LAMA2: variants seen among roughly 807,000 people sequenced by gnomAD.
The protein encoded by LAMA2 is laminin subunit alpha 2.
Under a neutral mutation model 364.8 loss-of-function variants are expected in LAMA2, and 269 were observed. That is an observed-to-expected ratio of 0.74 (90% CI 0.67 to 0.82). The LOEUF (loss-of-function observed/expected upper bound fraction) is 0.82, where lower values mean the gene tolerates loss of function less well. LAMA2 is among the 40% of genes least tolerant of loss of function. The pLI is 0.00. For missense variants in LAMA2, 3,807 were observed against 3,873.2 expected, an observed-to-expected ratio of 0.98 and a Z score of 0.45; for synonymous variants, 1,379 against 1,370.6, an observed-to-expected ratio of 1.01 and a Z score of -0.14.
At chr6:129,470,204 CTAGTT>C (rs1269950085) in intron 51 of LAMA2, among the ~76,000 whole-genome samples, 3 of 151,598 alleles carry the variant, frequency 2.0e-5, no homozygotes, top group African/African-American at 4.8e-5. Context: ...GGATGACTCT[CTAGTT>C]TAGTAGATTG....
intron 1 of LAMA2, among the ~76,000 whole-genome samples, chr6:128,990,675 C>T (rs1170150399): frequency 2.6e-5 from 4 of 151,884 alleles, no homozygotes; most frequent in African/African-American, 9.7e-5. Context: ...TAAATAGGCC[C>T]CTTTCTCTCA....
Position 129,096,892 on chromosome 6 carries a change from A to T in LAMA2, c.397-1281A>T, listed in dbSNP as rs148356517. Among the ~76,000 whole-genome samples the T allele has an allele frequency of 7.9e-5, 12 of 152,350 alleles. 2 individuals carry two copies. Among genetic ancestry groups the T allele is most frequent in the Admixed American group, 7.2e-4 (11 of 15,310 alleles). ...GCATCAGAGCCACCTGTATTACCGCATTCCATACCAAATTTTTATATTTTT... is the reference window on the plus strand; with the variant it reads ...GCATCAGAGCCACCTGTATTACCGCTTTCCATACCAAATTTTTATATTTTT... On this transcript the variant is annotated intron_variant, in intron 3 of 64. Transcript: ENST00000421865.
At chr6:129,459,468 G>A (rs1783134724) in intron 48 of LAMA2, among the ~76,000 whole-genome samples, 1 of 151,994 alleles carries the variant, frequency 6.6e-6, no homozygotes, top group African/African-American at 2.4e-5. Context: ...AATTTGATCA[G>A]ATTATTTGTC....
At chr6:129,246,847 T>C (rs1037928887) in intron 12 of LAMA2, among the ~76,000 whole-genome samples, 48 of 152,266 alleles carry the variant, frequency 3.2e-4, no homozygotes, top group African/African-American at 1.1e-3. Flanking sequence ...GAGAATTCTT[T>C]ATCTAAAGCA....
At chr6:129,395,291 A>G (rs1433518624) in intron 37 of LAMA2, among the ~76,000 whole-genome samples, 1 of 152,240 alleles carries the variant, frequency 6.6e-6, no homozygotes, top group Non-Finnish European at 1.5e-5. Context: ...AAGGTAACAC[A>G]ATTAATACCC....
intron 1 of LAMA2, among the ~76,000 whole-genome samples, chr6:129,015,553 C>G (rs933934335): frequency 3.9e-5 from 6 of 151,984 alleles, no homozygotes; most frequent in African/African-American, 2.4e-5. Flanking sequence ...TTTTTATTGA[C>G]CATATTCTTG....
chr6:128,980,710 C>T (rs940810128), intron 1 of LAMA2, among the ~76,000 whole-genome samples: 1 of 152,084 alleles, frequency 6.6e-6, no homozygotes, highest in African/African-American at 2.4e-5. Context: ...GATTGTTATT[C>T]TAATATTTCC....
At chr6:129,431,346 C>T (rs1781582093) in intron 41 of LAMA2, among the ~76,000 whole-genome samples, 1 of 150,142 alleles carries the variant, frequency 6.7e-6, no homozygotes, top group African/African-American at 2.5e-5. Flanking sequence ...TTACAGTGAG[C>T]TGAGATTGCG....
At chr6:129,099,124 T>TG (rs1015822321) in intron 4 of LAMA2, among the ~76,000 whole-genome samples, 3 of 71,732 alleles carry the variant, frequency 4.2e-5, no homozygotes, top group African/African-American at 7.2e-5. Context: ...GTTTTTTTTT[T>TG]GTTTTTTTTT....
At chr6:129,061,986 C>T (rs1223921921) in intron 3 of LAMA2, among the ~76,000 whole-genome samples, 2 of 152,066 alleles carry the variant, frequency 1.3e-5, no homozygotes, top group Non-Finnish European at 2.9e-5. Flanking sequence ...TTCTACTTGA[C>T]TCAAGATTTT....
At chr6:129,226,348 T>A (rs1044411744) in intron 12 of LAMA2, among the ~76,000 whole-genome samples, 1 of 152,062 alleles carries the variant, frequency 6.6e-6, no homozygotes, top group Non-Finnish European at 1.5e-5. Flanking sequence ...AAGGTTAATA[T>A]TATGTGTGAA....
chr6:128,950,125 A>C (rs1433984508), intron 1 of LAMA2, among the ~76,000 whole-genome samples: 1 of 152,236 alleles, frequency 6.6e-6, no homozygotes, highest in African/African-American at 2.4e-5. Flanking sequence ...AGCCAGATGC[A>C]ATGGTTACTG....
chr6:129,325,594 C>G (rs1364730968), intron 28 of LAMA2, among the ~76,000 whole-genome samples: 1 of 151,218 alleles, frequency 6.6e-6, no homozygotes, highest in Non-Finnish European at 1.5e-5. Context: ...GTCAAATACT[C>G]TCTCTCTCTC....
At chr6:129,345,160 A>G (rs1776474688) in intron 30 of LAMA2, among the ~76,000 whole-genome samples, 1 of 152,104 alleles carries the variant, frequency 6.6e-6, no homozygotes, top group African/African-American at 2.4e-5. Flanking sequence ...AAGGAGTTCC[A>G]ATGTCCAGGT....
At chr6:128,978,997 G>A (rs1172321233) in intron 1 of LAMA2, among the ~76,000 whole-genome samples, 1 of 151,890 alleles carries the variant, frequency 6.6e-6, no homozygotes, top group Non-Finnish European at 1.5e-5. Flanking sequence ...ATTGAGGAAG[G>A]GATCAGAGCA....
intron 31 of LAMA2, among the ~76,000 whole-genome samples, chr6:129,350,949 T>C (rs1350555202): frequency 6.6e-6 from 1 of 152,174 alleles, no homozygotes; most frequent in Non-Finnish European, 1.5e-5. Context: ...CAACAGAAAT[T>C]AGCAGCAATT....
intron 1 of LAMA2, among the ~76,000 whole-genome samples, chr6:128,962,185 T>TATATATACAC (rs1214826895): frequency 2.6e-4 from 27 of 103,916 alleles, no homozygotes; most frequent in African/African-American, 4.8e-4. Context: ...TATATATATA[T>TATATATACAC]ACACACATAC....
chr6:129,249,990 G>T, intron 12 of LAMA2, 122 bp from the exon 13 acceptor site: 1 of 722,376 alleles, frequency 1.4e-6, no homozygotes, highest in Non-Finnish European at 2.5e-6. Context: ...GTACTCCAGT[G>T]ATTTCTGCGT....
intron 1 of LAMA2, among the ~76,000 whole-genome samples, chr6:129,040,612 A>G (rs1165640474): frequency 6.6e-6 from 1 of 152,188 alleles, no homozygotes; most frequent in African/African-American, 2.4e-5. Flanking sequence ...CTGGGCAACA[A>G]GAGTGAGACC....
Sources: gnomAD v4.1 joint callset for allele counts (sites outside exome capture counted in the v4.1 genomes callset) on GRCh38, gnomAD v4.1.1 for gene constraint, MANE v1.5 for transcripts, NCBI Gene and HGNC (gene_info 2026-07-23, HGNC 2026-07-21) for gene names.